SFMBT2: variants seen among roughly 807,000 people sequenced by gnomAD.
SFMBT2 encodes the protein scm-like with four MBT domains protein 2.
Under a neutral mutation model 110.1 loss-of-function variants are expected in SFMBT2, and 38 were observed. The observed-to-expected ratio is 0.35, with a 90% CI of 0.27 to 0.45. The LOEUF is 0.45. SFMBT2 is among the 20% of genes least tolerant of loss of function. The probability of loss-of-function intolerance (pLI) is 1.00; values close to 1 mark genes in which losing one functional copy is unlikely to be tolerated. For synonymous variants in SFMBT2, 425 were observed against 425.4 expected, an observed-to-expected ratio of 1.00 and a Z score of 0.01; for missense variants, 1,011 against 1,094.9, an observed-to-expected ratio of 0.92 and a Z score of 1.08.
At chr10:7,310,918 A>C (rs1842835350) in intron 4 of SFMBT2, among the ~76,000 whole-genome samples, 2 of 152,020 alleles carry the variant, frequency 1.3e-5, no homozygotes, top group South Asian at 4.2e-4. Context: ...ATGGTGGCGG[A>C]CGCCTGTAAT....
In SFMBT2 at chr10:7,220,545, A is replaced by G; in HGVS notation, c.1204-8T>C. On this transcript the variant is annotated splice_region_variant and splice_polypyrimidine_tract_variant and intron_variant, in intron 10 of 20. Transcript: ENST00000397167. ...ACCTCGACTGAATGATGTCTGCAAG[A>G]GAAACGAGACCAACACTGAGCCAGT... 1 of 1,614,076 alleles carries G rather than the reference A, an allele frequency of 6.2e-7. No homozygotes were observed. The highest frequency in any genetic ancestry group is 8.5e-7 in the Non-Finnish European group (1 of 1,179,948).
At chr10:7,229,841 C>A (rs538149515) in intron 9 of SFMBT2, among the ~76,000 whole-genome samples, 1 of 151,296 alleles carries the variant, frequency 6.6e-6, no homozygotes, top group Non-Finnish European at 1.5e-5. Flanking sequence ...CTGCCTCAGC[C>A]TCCTGAGTAG....
intron 4 of SFMBT2, among the ~76,000 whole-genome samples, chr10:7,307,024 TCTCA>T (rs374688375): frequency 6.6e-5 from 10 of 152,298 alleles, no homozygotes; most frequent in African/African-American, 2.4e-4. Flanking sequence ...GTCCTTTAAG[TCTCA>T]CTATTGATAC....
At chr10:7,398,301 T>C (rs1041997716) in intron 1 of SFMBT2, among the ~76,000 whole-genome samples, 24 of 152,186 alleles carry the variant, frequency 1.6e-4, no homozygotes, top group African/African-American at 5.5e-4. Context: ...AACAAATCAG[T>C]TGTTCAAAAA....
chr10:7,180,789 T>C (rs1838221848), intron 16 of SFMBT2, among the ~76,000 whole-genome samples: 1 of 152,052 alleles, frequency 6.6e-6, no homozygotes, highest in Non-Finnish European at 1.5e-5. Flanking sequence ...GTGAGGATAC[T>C]GGAGAGACGC....
At chr10:7,383,860 G>C (rs1845500117) in intron 1 of SFMBT2, among the ~76,000 whole-genome samples, 1 of 152,114 alleles carries the variant, frequency 6.6e-6, no homozygotes. Context: ...TAAAGTGTGA[G>C]AGCTATGGGT....
At chr10:7,226,525 G>C (rs1352686596) in intron 10 of SFMBT2, among the ~76,000 whole-genome samples, 1 of 152,132 alleles carries the variant, frequency 6.6e-6, no homozygotes, top group African/African-American at 2.4e-5. Context: ...TCTGACCAGC[G>C]AGTGCTTTGC....
intron 4 of SFMBT2, among the ~76,000 whole-genome samples, chr10:7,306,269 C>T (rs1842692286): frequency 1.3e-5 from 2 of 152,210 alleles, no homozygotes; most frequent in Admixed American, 6.5e-5. Flanking sequence ...CACCCACCCC[C>T]GGCACTTGCC....
Position 7,213,884 on chromosome 10 carries a change from C to T in SFMBT2, c.1330+6527G>A, listed in dbSNP as rs140160176. 1.3e-3 allele frequency among the ~76,000 whole-genome samples: 197 copies of T among 152,314 alleles called. 2 individuals are homozygous for T. The East Asian group carries it at 0.028, about 22-fold the overall frequency. Reference sequence around the variant, plus strand: ...GACCGTCCAAAGCCACAGAGAAAGACGAGGCCACGCTGGGCACAGATGGCT... The same window carrying T: ...GACCGTCCAAAGCCACAGAGAAAGATGAGGCCACGCTGGGCACAGATGGCT... On this transcript the variant is annotated intron_variant, in intron 11 of 20. Coordinates refer to ENST00000397167, the MANE Select transcript of SFMBT2 (RefSeq NM_001387889.1).
intron 16 of SFMBT2, among the ~76,000 whole-genome samples, chr10:7,181,535 T>C (rs1281164671): frequency 1.3e-5 from 2 of 152,212 alleles, no homozygotes; most frequent in Non-Finnish European, 2.9e-5. Context: ...ATGAGATTGT[T>C]TCAAAAGCAC....
chr10:7,234,660 G>C (rs79692779), intron 9 of SFMBT2, among the ~76,000 whole-genome samples: 9,660 of 152,226 alleles, frequency 0.063, 415 homozygotes, highest in Non-Finnish European at 0.088. Context: ...AATGAGACTT[G>C]CTTCCAAGTC....
chr10:7,246,067 G>A, intron 8 of SFMBT2: 1 of 696,646 alleles, frequency 1.4e-6, no homozygotes, highest in Non-Finnish European at 1.8e-6. Flanking sequence ...ACCTGGAGAG[G>A]TGCCTACCTA....
intron 7 of SFMBT2, among the ~76,000 whole-genome samples, chr10:7,258,382 T>C (rs572749851): frequency 1.3e-5 from 2 of 152,320 alleles, no homozygotes; most frequent in South Asian, 2.1e-4. Context: ...AAAACAGATA[T>C]AGGATTCACC....
chr10:7,187,688 C>G (rs1229920239), intron 16 of SFMBT2, among the ~76,000 whole-genome samples: 1 of 152,128 alleles, frequency 6.6e-6, no homozygotes, highest in Non-Finnish European at 1.5e-5. Context: ...AGTCACAGTA[C>G]TAGTATAAGT....
intron 16 of SFMBT2, among the ~76,000 whole-genome samples, chr10:7,186,771 T>A (rs1401274419): frequency 6.6e-6 from 1 of 152,178 alleles, no homozygotes; most frequent in East Asian, 1.9e-4. Context: ...AAGTTGTCAT[T>A]TCACATCAGA....
intron 16 of SFMBT2, among the ~76,000 whole-genome samples, chr10:7,182,524 C>A (rs921857901): frequency 1.1e-4 from 16 of 151,898 alleles, no homozygotes; most frequent in Admixed American, 2.6e-4. Flanking sequence ...ACACCATGGA[C>A]TACTATGCAG....
At chr10:7,260,767 A>G (rs1841169440) in intron 7 of SFMBT2, among the ~76,000 whole-genome samples, 3 of 152,126 alleles carry the variant, frequency 2.0e-5, no homozygotes, top group African/African-American at 7.2e-5. Flanking sequence ...TAAAAAAATC[A>G]TCCTGGCCAA....
At chr10:7,400,488 GA>G (rs1846047480) in intron 1 of SFMBT2, among the ~76,000 whole-genome samples, 1 of 152,076 alleles carries the variant, frequency 6.6e-6, no homozygotes, top group South Asian at 2.1e-4. Flanking sequence ...GGCGAGAAGA[GA>G]AAAAAACGCC....
chr10:7,294,320 G>C (rs1842344151), intron 4 of SFMBT2, among the ~76,000 whole-genome samples: 1 of 152,176 alleles, frequency 6.6e-6, no homozygotes, highest in Non-Finnish European at 1.5e-5. Context: ...CCTTCCTCCA[G>C]TGAAACCTCA....
Sources: gnomAD v4.1 joint callset for allele counts (sites outside exome capture counted in the v4.1 genomes callset) on GRCh38, gnomAD v4.1.1 for gene constraint, MANE v1.5 for transcripts, NCBI Gene and HGNC (gene_info 2026-07-23, HGNC 2026-07-21) for gene names.